VHL: variants seen among roughly 807,000 people sequenced by gnomAD.
The protein encoded by VHL is von Hippel-Lindau tumor suppressor.
A neutral mutation model predicts 19.2 loss-of-function variants in VHL; 10 were observed. The ratio of observed to expected loss-of-function variants is 0.52; its 90% CI spans 0.32 to 0.89. VHL has a LOEUF of 0.89. VHL is among the 40% of genes least tolerant of loss of function. The pLI, the probability that VHL is intolerant of heterozygous loss-of-function variation, is 0.03. For missense variants in VHL, 328 were observed against 292.7 expected (o/e 1.12, Z -0.88); for synonymous variants, 167 against 129.5 (o/e 1.29, Z -1.97).
In VHL at chr3:10,142,914, T is replaced by G. The variant is rs996243576; in HGVS notation, c.340+727T>G. On this transcript the variant is annotated intron_variant, in intron 1 of 2. Transcript: ENST00000256474. ...ACCGTGTGTGGCGTGGGAAATTGAC[T>G]TACCTGCCTGCTGGGAGATGGAGGG... 16 of 152,644 alleles carry G rather than the reference T, an allele frequency of 1.0e-4. No homozygotes were observed. Among genetic ancestry groups the G allele is most frequent in the African/African-American group, 3.9e-4 (16 of 41,550 alleles). 9.5% of individuals were successfully genotyped at this position (152,644 alleles called of 1,614,324 possible).
intron 2 of VHL, among the ~76,000 whole-genome samples, chr3:10,146,960 G>T (rs946385444): frequency 6.6e-6 from 1 of 152,184 alleles, no homozygotes; most frequent in African/African-American, 2.4e-5. Context: ...GGAGTTCCAG[G>T]AGAACAATGT....
chr3:10,142,105 C>G lies in VHL; in HGVS notation c.258C>G (p.Pro86=), dbSNP rs781063331. The G allele has an allele frequency of 2.7e-5, 44 of 1,603,190 alleles. No individual in the cohort carries two copies. The highest frequency in any genetic ancestry group is 9.3e-5 in the African/African-American group (7 of 74,906). ...ATCGCAGTCCGCGCGTCGTGCTGCC[C>G]GTATGGCTCAACTTCGACGGCGAGC... ...FCNRSPRVVL[P]VWLNFDGEPQ... The change falls in exon 1 of 3, where the codon CCC becomes CCG. Residue 86 remains proline (P), a synonymous_variant. Coordinates refer to ENST00000256474, the MANE Select transcript of VHL (RefSeq NM_000551.4).
In VHL at chr3:10,153,015, G is replaced by A. The variant is rs1388356030; in HGVS notation, c.*3050G>A. Among the ~76,000 whole-genome samples, 1 of 151,978 alleles carries A rather than the reference G, an allele frequency of 6.6e-6. No homozygotes were observed. The highest frequency in any genetic ancestry group is 2.0e-4 in the East Asian group (1 of 5,112). ...AAAATTGCCGGCCGCGGCGGCTCATGCCTGTAATCCCAGCACTTTGGGAGG... is the reference window on the plus strand; with the variant it reads ...AAAATTGCCGGCCGCGGCGGCTCATACCTGTAATCCCAGCACTTTGGGAGG... On this transcript the variant is annotated 3_prime_UTR_variant, in exon 3 of 3. Transcript: ENST00000256474.
Position 10,153,654 on chromosome 3 carries a change from C to T in VHL, c.*3689C>T, listed in dbSNP as rs1013542299. 2.0e-5 allele frequency among the ~76,000 whole-genome samples: 3 copies of T among 149,808 alleles called. No individual in the cohort carries two copies. Among genetic ancestry groups the T allele is most frequent in the Non-Finnish European group, 3.0e-5 (2 of 67,626 alleles). The stretch of plus-strand genomic sequence containing the variant: ...CTGTTTTTTAATACATTAAATGGTG[C>T]TGAGTAAAGGAAATAGGCAGGGTGT... On this transcript the variant is annotated 3_prime_UTR_variant, in exon 3 of 3. Coordinates refer to ENST00000256474, the MANE Select transcript of VHL (RefSeq NM_000551.4).
In VHL at chr3:10,149,972, C is replaced by T. The variant is rs778005138; in HGVS notation, c.*7C>T. On this transcript the variant is annotated 3_prime_UTR_variant, in exon 3 of 3. Coordinates refer to ENST00000256474, the MANE Select transcript of VHL (RefSeq NM_000551.4). Reference sequence around the variant, plus strand: ...TCAACGGATGGGAGATTGAAGATTTCTGTTGAAACTTACACTGTTTCATCT... The same window carrying T: ...TCAACGGATGGGAGATTGAAGATTTTTGTTGAAACTTACACTGTTTCATCT... 3 of 1,611,826 alleles carry T rather than the reference C, an allele frequency of 1.9e-6. No individual in the cohort carries two copies. The highest frequency in any genetic ancestry group is 2.5e-6 in the Non-Finnish European group (3 of 1,178,954).
rs1696392860 is a variant in VHL, at chr3:10,150,861, A to C, written c.*896A>C. On this transcript the variant is annotated 3_prime_UTR_variant, in exon 3 of 3. Transcript: ENST00000256474. ...TTTTTGTAAATATGTGACATTCCTG[A>C]TTGATTTGGGTTTTTTTGTTGTTGT... The C allele has an allele frequency of 4.4e-6, 1 of 229,528 alleles. No homozygotes were observed. The allele number at this position is 229,528 out of a possible 1,614,324, so 14.2% of individuals were successfully genotyped here. A position where few individuals can be genotyped will look rare whatever the true frequency, so the allele number is the denominator to read the frequency against.
chr3:10,144,282 C>T (rs940228200), intron 1 of VHL, among the ~76,000 whole-genome samples: 1 of 147,798 alleles, frequency 6.8e-6, no homozygotes, highest in African/African-American at 2.5e-5. Context: ...GCCTGTGCAA[C>T]ATAGTGAGAC....
Position 10,142,184 on chromosome 3 carries a change from C to A in VHL, c.337C>A (p.Arg113=), listed in dbSNP as rs5030810. ...PGTGRRIHSY[R]GHLWLFRDAG... is the part of the protein sequence containing the mutation. ...CACGGGCCGCCGCATCCACAGCTAC[C>A]GAGGTACGGGCCCGGCGCTTAGGCC... Residue 113 remains arginine (R), a synonymous_variant, in exon 1 of 3, where the codon CGA becomes AGA. Transcript: ENST00000256474. 6.3e-7 allele frequency: 1 copy of A among 1,597,952 alleles called. No individual in the cohort carries two copies. Among genetic ancestry groups the A allele is most frequent in the Non-Finnish European group, 8.5e-7 (1 of 1,179,344 alleles).
At chr3:10,145,050 C>T (rs998017115) in intron 1 of VHL, among the ~76,000 whole-genome samples, 1 of 144,410 alleles carries the variant, frequency 6.9e-6, no homozygotes, top group African/African-American at 2.9e-5. Flanking sequence ...AAGTTAGCTG[C>T]ATGTGGTGGC....
chr3:10,144,835 G>A (rs1446249422), intron 1 of VHL, among the ~76,000 whole-genome samples: 1 of 152,050 alleles, frequency 6.6e-6, no homozygotes, highest in Non-Finnish European at 1.5e-5. Context: ...ATGTATACAT[G>A]TGCCATGTTG....
intron 1 of VHL, among the ~76,000 whole-genome samples, chr3:10,144,131 T>C (rs894079119): frequency 6.6e-6 from 1 of 152,106 alleles, no homozygotes; most frequent in Non-Finnish European, 1.5e-5. Flanking sequence ...TGTATGAATT[T>C]TGTATTTTAC....
chr3:10,148,052 TA>T (rs1348251710), intron 2 of VHL, among the ~76,000 whole-genome samples: 1 of 151,338 alleles, frequency 6.6e-6, no homozygotes, highest in African/African-American at 2.4e-5. Flanking sequence ...GCCATGATCA[TA>T]CCACTGCACT....
chr3:10,149,235 C>A, intron 2 of VHL, among the ~76,000 whole-genome samples: 1 of 152,030 alleles, frequency 6.6e-6, no homozygotes, highest in East Asian at 1.9e-4. Context: ...ACCTCAGCCT[C>A]CCCAGTCGCT....
In VHL at chr3:10,149,962, T is replaced by G. The variant is rs775624944; in HGVS notation, c.639T>G (p.Asp213Glu). ...GCATTGCACATCAACGGATGGGAGA[T>G]TGAAGATTTCTGTTGAAACTTACAC... is the stretch of plus-strand genomic sequence containing the variant. Reference protein sequence around the residue: ...QERIAHQRMGD With the variant: ...QERIAHQRMGE Residue 213 changes from aspartate (D) to glutamate (E), a missense_variant, in exon 3 of 3, where the codon GAT becomes GAG. Physicochemically the swap from Asp to Glu is conservative, Grantham distance 45. Transcript: ENST00000256474. 3 of 1,613,376 alleles carry G rather than the reference T, an allele frequency of 1.9e-6. No homozygotes were observed. The highest frequency in any genetic ancestry group is 1.7e-6 in the Non-Finnish European group (2 of 1,179,620).
intron 1 of VHL, 112 bp downstream of exon 1, chr3:10,142,299 G>A: frequency 4.3e-6 from 5 of 1,163,088 alleles, no homozygotes; most frequent in Non-Finnish European, 6.1e-6. Flanking sequence ...CCTTGAGGCA[G>A]GACACATCCA....
At chr3:10,149,479 A>G (rs1696346131) in intron 2 of VHL, among the ~76,000 whole-genome samples, 1 of 152,194 alleles carries the variant, frequency 6.6e-6, no homozygotes, top group African/African-American at 2.4e-5. Flanking sequence ...GTATAAAAGC[A>G]GAAGTCAGCA....
chr3:10,147,996 T>G (rs1559428821), intron 2 of VHL, among the ~76,000 whole-genome samples: 1 of 151,940 alleles, frequency 6.6e-6, no homozygotes, highest in East Asian at 1.9e-4. Context: ...TTTGGGAGGC[T>G]TAGGTGGGAG....
In VHL at chr3:10,153,610, T is replaced by G. The variant is rs28412899; in HGVS notation, c.*3645T>G. Among the ~76,000 whole-genome samples the G allele has an allele frequency of 7.2e-5, 1 of 13,934 alleles. No homozygotes were observed. The highest frequency in any genetic ancestry group is 4.5e-3 in the South Asian group (1 of 224). 9.1% of individuals were successfully genotyped at this position (13,934 alleles called of 152,430 possible). On this transcript the variant is annotated 3_prime_UTR_variant, in exon 3 of 3. Coordinates refer to ENST00000256474, the MANE Select transcript of VHL (RefSeq NM_000551.4). Reference sequence around the variant, plus strand: ...GAAGTTCCTATTTCAAGTTTTTTTTTTTTTTTTTTTTTTTAAAGCTGTTTT... The same window carrying G: ...GAAGTTCCTATTTCAAGTTTTTTTTGTTTTTTTTTTTTTTAAAGCTGTTTT...
chr3:10,142,210 C>T (rs2125125461), intron 1 of VHL, 23 bp downstream of exon 1: 1 of 1,592,422 alleles, frequency 6.3e-7, no homozygotes, highest in Non-Finnish European at 8.5e-7. Flanking sequence ...CGCTTAGGCC[C>T]GACCCAGCAG....
Sources: gnomAD v4.1 joint callset for allele counts (sites outside exome capture counted in the v4.1 genomes callset) on GRCh38, gnomAD v4.1.1 for gene constraint, MANE v1.5 for transcripts, NCBI Gene and HGNC (gene_info 2026-07-23, HGNC 2026-07-21) for gene names.